The following NAALAD2 variants were observed in gnomAD, a reference collection of about 807,000 sequenced individuals.
NAALAD2 encodes N-acetylated-alpha-linked acidic dipeptidase 2.
NAALAD2 carries 89 observed loss-of-function variants against 95.6 expected under a neutral mutation model. The observed-to-expected ratio is 0.93, with a 90% confidence interval of 0.78 to 1.11. The LOEUF (loss-of-function observed/expected upper bound fraction) is 1.11. Ranked by LOEUF, NAALAD2 falls within the 50% of genes least tolerant of loss-of-function variation. The probability of loss-of-function intolerance (pLI) is 0.00; values close to 1 mark genes in which losing one functional copy is unlikely to be tolerated. For synonymous variants in NAALAD2, 264 were observed against 294.4 expected, an observed-to-expected ratio of 0.90 and a Z score of 1.06; for missense variants, 894 against 872.4, an observed-to-expected ratio of 1.02 and a Z score of -0.31.
In NAALAD2 at chr11:90,174,005, G is replaced by A. The variant is rs895186070; in HGVS notation, c.1502+90G>A. The stretch of plus-strand genomic sequence containing the variant: ...TTCTCCAAGCATGAAATTCTCAAGC[G>A]TCTCATCAATAATTTGAGCCAAGAA... On this transcript the variant is annotated intron_variant, in intron 14 of 18. Transcript: ENST00000534061. 9 of 894,654 alleles carry A rather than the reference G, an allele frequency of 1.0e-5. No homozygotes were observed. The African/African-American group carries it at 1.0e-4, about 10-fold the overall frequency. 55.4% of individuals were successfully genotyped at this position (894,654 alleles called of 1,614,324 possible). A position where few individuals can be genotyped will look rare whatever the true frequency, so the allele number is the denominator to read the frequency against.
rs187774404 is a variant in NAALAD2, at chr11:90,184,613, T to C, written c.2033+1605T>C. ...TTATTTTCTATTTATTTATAAGAAA[T>C]CTATATTTTGTCATTATTTTAAAAA... On this transcript the variant is annotated intron_variant, in intron 18 of 18. Transcript: ENST00000534061. Among the ~76,000 whole-genome samples the C allele has an allele frequency of 2.2e-4, 34 of 152,192 alleles. No homozygotes were observed. The East Asian group carries it at 6.0e-3, about 27-fold the overall frequency.
At chr11:90,186,949 G>A (rs1857163350) in intron 18 of NAALAD2, among the ~76,000 whole-genome samples, 4 of 143,766 alleles carry the variant, frequency 2.8e-5, no homozygotes, top group African/African-American at 5.1e-5. Flanking sequence ...CTAATATCCA[G>A]AATCTACAAT....
At chr11:90,167,393 T>G (rs563887841) in intron 11 of NAALAD2, among the ~76,000 whole-genome samples, 6 of 152,288 alleles carry the variant, frequency 3.9e-5, no homozygotes, top group Admixed American at 3.9e-4. Flanking sequence ...GGGCAGGGCT[T>G]CCGACCTGCA....
Position 90,169,008 on chromosome 11 carries a change from A to G in NAALAD2, c.1342+16A>G. 8 of 1,579,418 alleles carry G rather than the reference A, an allele frequency of 5.1e-6. No individual in the cohort carries two copies. Among genetic ancestry groups the G allele is most frequent in the South Asian group, 1.2e-5 (1 of 85,470 alleles). On this transcript the variant is annotated intron_variant, in intron 12 of 18. Transcript: ENST00000534061. Reference sequence around the variant, plus strand: ...TCTATAGAAGGTAAATTTTATTTCAATTTGAAGTGAAATTTTCAGAAAGGA... The same window carrying G: ...TCTATAGAAGGTAAATTTTATTTCAGTTTGAAGTGAAATTTTCAGAAAGGA...
upstream of NAALAD2, among the ~76,000 whole-genome samples, chr11:90,133,337 T>C (rs1410851951): frequency 6.6e-6 from 1 of 152,232 alleles, no homozygotes; most frequent in East Asian, 1.9e-4. Context: ...CAATGGCCAC[T>C]ATTTTGCAAA....
chr11:90,189,769 CA>C (rs35142682), intron 18 of NAALAD2, among the ~76,000 whole-genome samples: 99 of 140,444 alleles, frequency 7.0e-4, no homozygotes, highest in Admixed American at 7.7e-4. Flanking sequence ...GACTCTATCT[CA>C]AAAAAAAAAA....
chr11:90,176,194 C>T, intron 15 of NAALAD2, 132 bp downstream of exon 15: 1 of 607,784 alleles, frequency 1.6e-6, no homozygotes, highest in Non-Finnish European at 2.9e-6. Context: ...TAGAGATAGA[C>T]TGCATGTCCC....
intron 11 of NAALAD2, among the ~76,000 whole-genome samples, chr11:90,167,980 C>T (rs577224575): frequency 1.8e-4 from 28 of 152,276 alleles, no homozygotes; most frequent in African/African-American, 6.7e-4. Context: ...CTGGGGTCTC[C>T]TTCCACGTTG....
intron 12 of NAALAD2, chr11:90,169,239 T>C (rs1323755248): frequency 9.1e-6 from 3 of 331,398 alleles, no homozygotes; most frequent in Non-Finnish European, 1.6e-5. Flanking sequence ...ATTTCTTTGA[T>C]ATATTTACTA....
intron 2 of NAALAD2, among the ~76,000 whole-genome samples, chr11:90,140,889 A>G (rs1465845180): frequency 6.6e-6 from 1 of 152,102 alleles, no homozygotes; most frequent in African/African-American, 2.4e-5. Context: ...TTTGTGCATA[A>G]AGGTGTAAGG....
intron 18 of NAALAD2, among the ~76,000 whole-genome samples, chr11:90,185,084 C>G (rs369997529): frequency 1.3e-5 from 2 of 151,752 alleles, no homozygotes; most frequent in Non-Finnish European, 2.9e-5. Context: ...TTCTGGTATC[C>G]AAAGGGGATT....
At chr11:90,188,754 A>G (rs1410078528) in intron 18 of NAALAD2, among the ~76,000 whole-genome samples, 2 of 152,254 alleles carry the variant, frequency 1.3e-5, no homozygotes, top group Admixed American at 6.5e-5. Flanking sequence ...TGTGGGTAAT[A>G]TATTGTAACT....
At chr11:90,167,130 G>A (rs1952480571) in intron 11 of NAALAD2, among the ~76,000 whole-genome samples, 2 of 152,214 alleles carry the variant, frequency 1.3e-5, no homozygotes, top group Admixed American at 1.3e-4. Context: ...CACTGTGGGA[G>A]CCCCTTTCTG....
At chr11:90,190,550 TCTC>T (rs1354823738) in intron 18 of NAALAD2, among the ~76,000 whole-genome samples, 1 of 152,156 alleles carries the variant, frequency 6.6e-6, no homozygotes, top group East Asian at 1.9e-4. Flanking sequence ...CCTTTACAAT[TCTC>T]CAGAAGAGGG....
At chr11:90,182,175 A>AC (rs1952992229) in intron 17 of NAALAD2, among the ~76,000 whole-genome samples, 2 of 151,914 alleles carry the variant, frequency 1.3e-5, no homozygotes, top group South Asian at 4.2e-4. Context: ...TTCATGGATA[A>AC]TTTTTTTTGC....
intron 16 of NAALAD2, among the ~76,000 whole-genome samples, chr11:90,181,062 C>T (rs904095980): frequency 6.6e-6 from 1 of 152,078 alleles, no homozygotes; most frequent in African/African-American, 2.4e-5. Context: ...CTCACTGATA[C>T]TGAGGTATGA....
rs1014079376 is a variant in NAALAD2 at position 90,192,525 on chromosome 11, A to C, written c.*778A>C. 1.3e-5 allele frequency: 2 copies of C among 152,046 alleles called. No individual in the cohort carries two copies. The highest frequency in any genetic ancestry group is 4.8e-5 in the African/African-American group (2 of 41,448). The allele number at this position is 152,046 out of a possible 1,614,324, so 9.4% of individuals were successfully genotyped here. On this transcript the variant is annotated 3_prime_UTR_variant, in exon 19 of 19. Transcript: ENST00000534061. Reference sequence around the variant, plus strand: ...ATAGATGAGAATTTTCCGTATCTTGATCTGAGTGGCAAATTGTAAACTTAA... The same window carrying C: ...ATAGATGAGAATTTTCCGTATCTTGCTCTGAGTGGCAAATTGTAAACTTAA...
intron 18 of NAALAD2, among the ~76,000 whole-genome samples, chr11:90,189,463 T>C (rs531895210): frequency 6.6e-6 from 1 of 152,290 alleles, no homozygotes; most frequent in African/African-American, 2.4e-5. Flanking sequence ...AAGCATTTAA[T>C]TATGAAATTC....
intron 2 of NAALAD2, among the ~76,000 whole-genome samples, chr11:90,136,683 G>C (rs1951460565): frequency 6.6e-6 from 1 of 152,104 alleles, no homozygotes; most frequent in Non-Finnish European, 1.5e-5. Context: ...ATAATTGATG[G>C]AAATTTGGGT....
Sources: allele counts gnomAD v4.1 joint callset (sites outside exome capture counted in the v4.1 genomes callset), GRCh38; gene constraint gnomAD v4.1.1; transcripts MANE v1.5; gene names NCBI Gene and HGNC (gene_info 2026-07-23, HGNC 2026-07-21).